Variants in MTA1 observed in about 807,000 individuals in gnomAD.
The protein encoded by MTA1 is metastasis associated 1.
MTA1 carries 15 observed loss-of-function variants against 97.0 expected under a neutral mutation model. That is an observed-to-expected ratio of 0.15 (90% CI 0.10 to 0.24). The LOEUF (loss-of-function observed/expected upper bound fraction) is 0.24. MTA1 is among the 10% of genes least tolerant of loss of function. The pLI is 1.00. For synonymous variants in MTA1, 435 were observed against 417.5 expected, an observed-to-expected ratio of 1.04 and a Z score of -0.51; for missense variants, 709 against 1,015.1, an observed-to-expected ratio of 0.70 and a Z score of 4.10.
In MTA1 at chr14:105,463,415, G is replaced by T. The variant is rs587620690; in HGVS notation, c.1018-78G>T. 6.5e-7 allele frequency: 1 copy of T among 1,544,746 alleles called. No homozygotes were observed. Among genetic ancestry groups the T allele is most frequent in the Non-Finnish European group, 8.9e-7 (1 of 1,119,602 alleles). On this transcript the variant is annotated intron_variant, in intron 11 of 20. Transcript: ENST00000331320. This position sits in a 1 kb window ranked among gnomAD's most constrained non-coding sequence, Gnocchi z 5.9. ...TCCTCTCCGTGGTGCTCTCCTCTCC[G>T]TAGCCTCCAGCCTGTCTGCACTGCA...
At chr14:105,439,506 CA>C (rs1262988230) in intron 2 of MTA1, among the ~76,000 whole-genome samples, 8 of 152,176 alleles carry the variant, frequency 5.3e-5, no homozygotes, top group African/African-American at 1.9e-4. Flanking sequence ...CGTAGATGGC[CA>C]TGGAGGTGTA....
At chr14:105,464,943 G>GCCCC in intron 15 of MTA1, 80 bp downstream of exon 15, 1 of 1,470,334 alleles carries the variant, frequency 6.8e-7, no homozygotes, top group Non-Finnish European at 9.0e-7. Context: ...CCAGCCTGTA[G>GCCCC]CCCCACTGGG....
At chr14:105,446,428 T>G (rs1175594095) in intron 3 of MTA1, among the ~76,000 whole-genome samples, 1 of 152,210 alleles carries the variant, frequency 6.6e-6, no homozygotes, top group African/African-American at 2.4e-5. Context: ...AGGTCCCACC[T>G]GTAACCTCCC....
intron 1 of MTA1, among the ~76,000 whole-genome samples, chr14:105,436,366 CTTGCT>C (rs1482089056): frequency 6.6e-6 from 1 of 152,210 alleles, no homozygotes; most frequent in Non-Finnish European, 1.5e-5. Context: ...TTCCTGCCTT[CTTGCT>C]TTATTTGTCC....
intron 18 of MTA1, 119 bp downstream of exon 18, chr14:105,466,861 G>A (rs1227697725): frequency 4.9e-6 from 5 of 1,028,938 alleles, no homozygotes; most frequent in African/African-American, 1.6e-5. Context: ...GTCCACGTGA[G>A]CCAGGCCACA....
intron 18 of MTA1, chr14:105,468,246 C>T (rs906790979): frequency 1.6e-6 from 2 of 1,241,004 alleles, no homozygotes; most frequent in Admixed American, 2.3e-5. Flanking sequence ...GCCTGTTGCG[C>T]TGTCCCCACC....
chr14:105,463,800 T>A lies in MTA1; in HGVS notation c.1077-232T>A, dbSNP rs2083453992. The A allele has an allele frequency of 1.6e-6, 1 of 628,188 alleles. No individual in the cohort carries two copies. The highest frequency in any genetic ancestry group is 1.9e-5 in the African/African-American group (1 of 54,034). 38.9% of individuals were successfully genotyped at this position (628,188 alleles called of 1,614,324 possible). On this transcript the variant is annotated intron_variant, in intron 12 of 20. Transcript: ENST00000331320. The surrounding 1 kb of genome is among the most constrained non-coding windows in gnomAD (Gnocchi z 5.9). ...TCCAGCCCACACCGCCAGGGTTCAGTCCCTGAGCTGGGCTCCATGCTAGGG... is the reference window on the plus strand; with the variant it reads ...TCCAGCCCACACCGCCAGGGTTCAGACCCTGAGCTGGGCTCCATGCTAGGG...
At chr14:105,423,076 C>T (rs1364427884) in intron 1 of MTA1, among the ~76,000 whole-genome samples, 9 of 152,286 alleles carry the variant, frequency 5.9e-5, no homozygotes, top group Admixed American at 4.6e-4. Flanking sequence ...CAGCAGGAAT[C>T]GGTGCCTGCC....
At position 105,463,141 on chromosome 14, in the gene MTA1, T is replaced by C. The variant is rs1555431424; in HGVS notation, c.943-43T>C. The C allele has an allele frequency of 6.3e-7, 1 of 1,593,928 alleles. No homozygotes were observed. The highest frequency in any genetic ancestry group is 2.2e-5 in the East Asian group (1 of 44,730). On this transcript the variant is annotated intron_variant, in intron 10 of 20. Coordinates refer to ENST00000331320, the MANE Select transcript of MTA1 (RefSeq NM_004689.4). The surrounding 1 kb of genome is among the most constrained non-coding windows in gnomAD (Gnocchi z 5.9). ...CCCCTGCCTGCATGGTGTGCCTGCC[T>C]CCTGCCCCTTCCTGCTTGTGTGACA... is the stretch of plus-strand genomic sequence containing the variant.
In MTA1 at chr14:105,420,198, C is replaced by A; in HGVS notation, c.28+135C>A. On this transcript the variant is annotated intron_variant, in intron 1 of 20. Coordinates refer to ENST00000331320, the MANE Select transcript of MTA1 (RefSeq NM_004689.4). This position sits in a 1 kb window ranked among gnomAD's most constrained non-coding sequence, Gnocchi z 5.3. ...GCCCTCGCGGCCCCCGGCTCCTTCCCGAACCGCCCCCCGCCGTGCTCACCC... is the reference window on the plus strand; with the variant it reads ...GCCCTCGCGGCCCCCGGCTCCTTCCAGAACCGCCCCCCGCCGTGCTCACCC... 2.7e-6 allele frequency: 1 copy of A among 369,640 alleles called. No homozygotes were observed. The highest frequency in any genetic ancestry group is 3.8e-6 in the Non-Finnish European group (1 of 265,028). 22.9% of individuals were successfully genotyped at this position (369,640 alleles called of 1,614,324 possible). A position where few individuals can be genotyped will look rare whatever the true frequency, so the allele number is the denominator to read the frequency against.
At chr14:105,447,873 G>A (rs1274170868) in intron 3 of MTA1, among the ~76,000 whole-genome samples, 1 of 152,190 alleles carries the variant, frequency 6.6e-6, no homozygotes, top group Non-Finnish European at 1.5e-5. Context: ...GTGAGCTCAT[G>A]GCAGCCAGGG....
intron 1 of MTA1, among the ~76,000 whole-genome samples, chr14:105,423,201 A>AT (rs1232924164): frequency 8.3e-5 from 11 of 132,676 alleles, no homozygotes; most frequent in South Asian, 2.5e-4. Context: ...CATCTTTTGG[A>AT]TTTTTTTTGT....
intron 7 of MTA1, among the ~76,000 whole-genome samples, chr14:105,456,428 A>T (rs587771978): frequency 6.6e-6 from 1 of 152,228 alleles, no homozygotes; most frequent in South Asian, 2.1e-4. Flanking sequence ...CTAAGGGTCC[A>T]CAAGGCCGAG....
At chr14:105,462,429 C>T (rs1224121732) in intron 10 of MTA1, among the ~76,000 whole-genome samples, 18 of 151,850 alleles carry the variant, frequency 1.2e-4, no homozygotes, top group African/African-American at 4.1e-4. Context: ...ATTAGTCGGG[C>T]ATGGTGGCAG....
chr14:105,421,830 G>A (rs1555420971), intron 1 of MTA1, among the ~76,000 whole-genome samples: 2 of 152,238 alleles, frequency 1.3e-5, no homozygotes, highest in South Asian at 2.1e-4. Context: ...CCTTCGTGGG[G>A]CTGCGCCGCC....
intron 6 of MTA1, among the ~76,000 whole-genome samples, chr14:105,451,769 CTTTTTCTTTTTTTGTTTTTTTTTTTT>C (rs1365029572): frequency 8.2e-6 from 1 of 122,560 alleles, no homozygotes; most frequent in African/African-American, 2.9e-5. Context: ...CCCCCTTTTT[CTTTTTCTTTTTTTGTTTTTTTTTTTT>C]TTTTTTTTTT....
chr14:105,427,789 G>T (rs1357716059), intron 1 of MTA1, among the ~76,000 whole-genome samples: 2 of 152,080 alleles, frequency 1.3e-5, no homozygotes, highest in African/African-American at 4.8e-5. Context: ...GGAGGCTGAG[G>T]TGGGCAGATC....
At position 105,420,008 on chromosome 14, in the gene MTA1, G is replaced by A; in HGVS notation, c.-28G>A. The A allele has an allele frequency of 9.9e-7, 1 of 1,010,578 alleles. No individual in the cohort carries two copies. Among genetic ancestry groups the A allele is most frequent in the Non-Finnish European group, 1.2e-6 (1 of 850,618 alleles). 62.6% of individuals were successfully genotyped at this position (1,010,578 alleles called of 1,614,324 possible). On this transcript the variant is annotated 5_prime_UTR_variant, in exon 1 of 21. Transcript: ENST00000331320. The surrounding 1 kb of genome is among the most constrained non-coding windows in gnomAD (Gnocchi z 5.3). ...CCGCGCCGAGCGCCGCGCCCGCCCC[G>A]GGCCCCTCCGCCGCCGCCGGCCCGG...
rs964605969 is a variant in MTA1, at chr14:105,422,864, G to C, written c.28+2801G>C. On this transcript the variant is annotated intron_variant, in intron 1 of 20. Coordinates refer to ENST00000331320, the MANE Select transcript of MTA1 (RefSeq NM_004689.4). The surrounding 1 kb of genome is among the most constrained non-coding windows in gnomAD (Gnocchi z 4.3). ...CCCTGGCCACGGACAGAGGCCTTCT[G>C]TCTGTGCCTGTGAGGGCAGCGGATG... Among the ~76,000 whole-genome samples the C allele has an allele frequency of 3.9e-5, 6 of 152,178 alleles. No individual in the cohort carries two copies. Among genetic ancestry groups the C allele is most frequent in the African/African-American group, 7.2e-5 (3 of 41,458 alleles).
Sources: gnomAD v4.1 joint callset for allele counts (sites outside exome capture counted in the v4.1 genomes callset) on GRCh38, gnomAD v4.1.1 for gene constraint, Gnocchi (gnomAD v3.1) non-coding constraint, MANE v1.5 for transcripts, NCBI Gene and HGNC (gene_info 2026-07-23, HGNC 2026-07-21) for gene names.